The following WDR48 variants were observed in gnomAD, a reference collection of about 807,000 sequenced individuals.
The protein encoded by WDR48 is WD repeat domain 48, also known as WD repeat-containing protein 48.
Under a neutral mutation model 94.0 loss-of-function variants are expected in WDR48, and 22 were observed. The observed-to-expected ratio is 0.23, with a 90% CI of 0.17 to 0.33. The LOEUF (loss-of-function observed/expected upper bound fraction) is 0.33, where lower values mean the gene tolerates loss of function less well. Ranked by LOEUF, WDR48 falls within the 10% of genes least tolerant of loss-of-function variation. WDR48 has a pLI of 1.00. For synonymous variants in WDR48, 278 were observed against 280.5 expected (o/e 0.99, Z 0.09); for missense variants, 541 against 813.8 (o/e 0.66, Z 4.08).
At chr3:39,072,349 C>T (rs2033987165) in intron 7 of WDR48, among the ~76,000 whole-genome samples, 1 of 152,158 alleles carries the variant, frequency 6.6e-6, no homozygotes, top group South Asian at 2.1e-4. Flanking sequence ...TTGAGTCAGT[C>T]ATGTCCTTGT....
chr3:39,055,072 A>G (rs887772500), intron 1 of WDR48, among the ~76,000 whole-genome samples: 3 of 152,226 alleles, frequency 2.0e-5, no homozygotes, highest in African/African-American at 2.4e-5. Flanking sequence ...AAAAGCATAC[A>G]TGGGTACTTG....
intron 7 of WDR48, among the ~76,000 whole-genome samples, chr3:39,070,808 C>T (rs537038055): frequency 6.6e-6 from 1 of 151,760 alleles, no homozygotes; most frequent in African/African-American, 2.4e-5. Context: ...TGTCATCTAG[C>T]ATTAGGTATA....
chr3:39,077,656 G>T (rs1415318305), intron 9 of WDR48, among the ~76,000 whole-genome samples: 1 of 152,192 alleles, frequency 6.6e-6, no homozygotes, highest in African/African-American at 2.4e-5. Context: ...GAAGAACAGG[G>T]ATAGAGATAG....
At chr3:39,093,547 G>A (rs1371428102) in intron 17 of WDR48, among the ~76,000 whole-genome samples, 1 of 152,166 alleles carries the variant, frequency 6.6e-6, no homozygotes, top group African/African-American at 2.4e-5. Context: ...GGTTAGCCAG[G>A]CTGGTCTTGA....
chr3:39,082,121 T>C (rs1012667022), intron 11 of WDR48, among the ~76,000 whole-genome samples: 4 of 152,100 alleles, frequency 2.6e-5, no homozygotes, highest in Admixed American at 1.3e-4. Flanking sequence ...GTGCCTATTA[T>C]TGGTGATGTT....
At chr3:39,094,288 CAAG>C (rs2035230241) in intron 18 of WDR48, 5 of 1,423,110 alleles carry the variant, frequency 3.5e-6, no homozygotes, top group Non-Finnish European at 4.6e-6. Flanking sequence ...TTTTTTCTGA[CAAG>C]AAAAAAGACA....
chr3:39,088,631 A>G (rs2034934081), intron 15 of WDR48, among the ~76,000 whole-genome samples: 1 of 152,118 alleles, frequency 6.6e-6, no homozygotes, highest in South Asian at 2.1e-4. Flanking sequence ...AGCCAAGATG[A>G]GCTGGGCTGC....
chr3:39,052,807 T>G (rs2032548834), intron 1 of WDR48, among the ~76,000 whole-genome samples: 1 of 152,206 alleles, frequency 6.6e-6, no homozygotes, highest in African/African-American at 2.4e-5. Flanking sequence ...GAATTCACTT[T>G]TGTTTGCGGT....
chr3:39,093,176 G>A (rs753786530), intron 17 of WDR48, among the ~76,000 whole-genome samples: 7 of 152,134 alleles, frequency 4.6e-5, no homozygotes, highest in Non-Finnish European at 7.4e-5. Flanking sequence ...GGCATTGTCT[G>A]CTCACAGGTG....
intron 17 of WDR48, among the ~76,000 whole-genome samples, chr3:39,092,283 A>G (rs2035115625): frequency 6.6e-6 from 1 of 152,206 alleles, no homozygotes; most frequent in Non-Finnish European, 1.5e-5. Context: ...GAATAATGAG[A>G]GTGAGAGAAA....
At chr3:39,094,497 G>A (rs943989548) in intron 18 of WDR48, 151 bp from the exon 19 acceptor site, 19 of 1,535,626 alleles carry the variant, frequency 1.2e-5, no homozygotes, top group Non-Finnish European at 1.6e-5. Flanking sequence ...TTTCATTCCC[G>A]CATGCATGGA....
intron 7 of WDR48, among the ~76,000 whole-genome samples, chr3:39,073,023 T>C (rs2034022664): frequency 6.6e-6 from 1 of 152,190 alleles, no homozygotes; most frequent in Non-Finnish European, 1.5e-5. Context: ...CTGTTACAAG[T>C]TGCCCCAGGC....
intron 7 of WDR48, among the ~76,000 whole-genome samples, chr3:39,070,706 T>TA (rs1436156515): frequency 7.1e-6 from 1 of 140,286 alleles, no homozygotes; most frequent in South Asian, 2.2e-4. Context: ...TTTTTTTTTT[T>TA]AATACTTTAA....
intron 5 of WDR48, 115 bp from the exon 6 acceptor site, chr3:39,068,656 G>T: frequency 3.1e-6 from 2 of 635,550 alleles, no homozygotes; most frequent in Non-Finnish European, 5.6e-6. Context: ...TTTCTTTTCC[G>T]TAGAGGACTT....
In WDR48 at chr3:39,085,694, C is replaced by T. The variant is rs1355609801; in HGVS notation, c.1474+84C>T. ...CTTACTAAAAGGTACTTACTTAAAC[C>T]GTTAGCTAAAATATTTGTGGTGTAC... On this transcript the variant is annotated intron_variant, in intron 14 of 18. Coordinates refer to ENST00000302313, the MANE Select transcript of WDR48 (RefSeq NM_020839.4). The T allele has an allele frequency of 7.0e-6, 8 of 1,143,990 alleles. No homozygotes were observed. In the East Asian group the frequency reaches 7.2e-5, roughly 10 times the overall value. 70.9% of individuals were successfully genotyped at this position (1,143,990 alleles called of 1,614,324 possible).
chr3:39,062,252 C>CT (rs1171257036), intron 1 of WDR48, among the ~76,000 whole-genome samples: 1 of 152,100 alleles, frequency 6.6e-6, no homozygotes, highest in East Asian at 1.9e-4. Flanking sequence ...ACATTTAAGT[C>CT]TTTAGTCCAT....
intron 6 of WDR48, among the ~76,000 whole-genome samples, chr3:39,069,328 A>G (rs556426247): frequency 6.6e-6 from 1 of 152,316 alleles, no homozygotes; most frequent in Non-Finnish European, 1.5e-5. Context: ...AAACCAAAAT[A>G]ATTTAATCTG....
rs959552483 is a variant in WDR48 at position 39,068,327 on chromosome 3, G to T, written c.482-444G>T. ...TATAGTCTGAATTCCTTCCTGAAAG[G>T]TTGTACCTATTTATCTTCACATAAG... On this transcript the variant is annotated intron_variant, in intron 5 of 18. Coordinates refer to ENST00000302313, the MANE Select transcript of WDR48 (RefSeq NM_020839.4). Among the ~76,000 whole-genome samples, 17 of 152,052 alleles carry T rather than the reference G, an allele frequency of 1.1e-4. 1 individual carries two copies. The highest frequency in any genetic ancestry group is 1.1e-3 in the Admixed American group (17 of 15,248).
intron 1 of WDR48, among the ~76,000 whole-genome samples, chr3:39,059,423 A>G (rs2033117280): frequency 6.6e-6 from 1 of 152,240 alleles, no homozygotes; most frequent in African/African-American, 2.4e-5. Context: ...TGGGGGATGC[A>G]GGGTCAGAAC....
Sources: gnomAD v4.1 joint callset for allele counts (sites outside exome capture counted in the v4.1 genomes callset) on GRCh38, gnomAD v4.1.1 for gene constraint, MANE v1.5 for transcripts, NCBI Gene and HGNC (gene_info 2026-07-23, HGNC 2026-07-21) for gene names.